ATXN8OS: variants seen among roughly 807,000 people sequenced by gnomAD.
ATXN8OS encodes ATXN8 opposite strand (non-protein coding).
intron 2 of ATXN8OS, among the ~76,000 whole-genome samples, chr13:70,126,614 T>C (rs1473543657): frequency 6.6e-6 from 1 of 151,628 alleles, no homozygotes; most frequent in Non-Finnish European, 1.5e-5. Context: ...ATATTATATA[T>C]ATATATATGA....
At chr13:70,112,048 C>T (rs1888204492) in intron 1 of ATXN8OS, among the ~76,000 whole-genome samples, 1 of 152,048 alleles carries the variant, frequency 6.6e-6, no homozygotes, top group Non-Finnish European at 1.5e-5. Flanking sequence ...GGGGAGGAGG[C>T]CTGAGGAAAC....
chr13:70,152,377 G>A, intron 4 of ATXN8OS, among the ~76,000 whole-genome samples: 1 of 151,226 alleles, frequency 6.6e-6, no homozygotes, highest in South Asian at 2.1e-4. Flanking sequence ...ACATATATAT[G>A]TATACATATA....
In ATXN8OS at chr13:70,155,413, T is replaced by C. The variant is rs1195379775; in HGVS notation, n.573+7985T>C. On this transcript the variant is annotated intron_variant and non_coding_transcript_variant, in intron 4 of 4. Transcript: ENST00000678624. ...AGAAACATACCCAATATATAGGACATAGAAACACACCATCCTTGTGCTGCT... is the reference window on the plus strand; with the variant it reads ...AGAAACATACCCAATATATAGGACACAGAAACACACCATCCTTGTGCTGCT... 2.0e-5 allele frequency among the ~76,000 whole-genome samples: 3 copies of C among 152,156 alleles called. No individual in the cohort carries two copies. The East Asian group carries it at 5.8e-4, about 29-fold the overall frequency.
intron 4 of ATXN8OS, among the ~76,000 whole-genome samples, chr13:70,157,306 CTCTT>C (rs1317478654): frequency 2.0e-5 from 3 of 152,044 alleles, no homozygotes; most frequent in Non-Finnish European, 4.4e-5. Context: ...ATAGGAGGAG[CTCTT>C]TCTGTTTAAA....
chr13:70,122,118 T>C (rs895065952), intron 2 of ATXN8OS, among the ~76,000 whole-genome samples: 8 of 152,120 alleles, frequency 5.3e-5, no homozygotes, highest in Admixed American at 5.2e-4. Flanking sequence ...ATGTTCATAA[T>C]CCACAATGCT....
chr13:70,162,980 G>A lies in ATXN8OS; in HGVS notation n.574-6773G>A, dbSNP rs73522638. On this transcript the variant is annotated intron_variant and non_coding_transcript_variant, in intron 4 of 4. Transcript: ENST00000678624. ...CATAGCAAGTTGATGTTGGCCACAG[G>A]CCTTCAAGACTCAGTGACACCACTG... Among the ~76,000 whole-genome samples the A allele has an allele frequency of 6.0e-3, 911 of 152,058 alleles. 12 individuals carry two copies. Among genetic ancestry groups the A allele is most frequent in the African/African-American group, 0.021 (851 of 41,498 alleles).
intron 4 of ATXN8OS, among the ~76,000 whole-genome samples, chr13:70,157,849 G>C (rs1252119614): frequency 6.6e-6 from 1 of 152,064 alleles, no homozygotes; most frequent in African/African-American, 2.4e-5. Flanking sequence ...CTACAGGAAA[G>C]ACAAAAAATA....
At chr13:70,155,570 A>T (rs1326740526) in intron 4 of ATXN8OS, among the ~76,000 whole-genome samples, 1 of 152,188 alleles carries the variant, frequency 6.6e-6, no homozygotes, top group Non-Finnish European at 1.5e-5. Flanking sequence ...TATTTGCTTT[A>T]AGAAAAGGGA....
chr13:70,156,098 A>G (rs932211692), intron 4 of ATXN8OS, among the ~76,000 whole-genome samples: 33 of 152,122 alleles, frequency 2.2e-4, no homozygotes, highest in Admixed American at 1.8e-3. Context: ...AAATTTTTTG[A>G]TATTTGCTCA....
intron 4 of ATXN8OS, among the ~76,000 whole-genome samples, chr13:70,166,046 A>C (rs1889072193): frequency 6.6e-6 from 1 of 152,096 alleles, no homozygotes; most frequent in Admixed American, 6.6e-5. Context: ...ATAAATAGAA[A>C]ATGAGTGAGA....
intron 4 of ATXN8OS, among the ~76,000 whole-genome samples, chr13:70,167,366 T>C (rs989777960): frequency 4.6e-5 from 7 of 152,020 alleles, no homozygotes; most frequent in African/African-American, 1.7e-4. Flanking sequence ...TGTAGGGACA[T>C]GGATGAAACT....
chr13:70,168,593 A>ATT (rs377197453), intron 4 of ATXN8OS, among the ~76,000 whole-genome samples: 2,360 of 138,452 alleles, frequency 0.017, 41 homozygotes, highest in African/African-American at 0.036. Flanking sequence ...CTGTGACATC[A>ATT]TTTTTTTTTT....
chr13:70,125,907 G>T (rs1888426843), intron 2 of ATXN8OS, among the ~76,000 whole-genome samples: 1 of 152,100 alleles, frequency 6.6e-6, no homozygotes, highest in Non-Finnish European at 1.5e-5. Flanking sequence ...ACCGGGGGTT[G>T]TGGGAGGAGG....
intron 1 of ATXN8OS, among the ~76,000 whole-genome samples, chr13:70,113,133 G>T (rs546790656): frequency 6.6e-6 from 1 of 151,742 alleles, no homozygotes; most frequent in East Asian, 1.9e-4. Context: ...TATTGGCCAG[G>T]TTGGTCTCAA....
intron 3 of ATXN8OS, among the ~76,000 whole-genome samples, chr13:70,137,547 C>G (rs1420147936): frequency 6.6e-6 from 1 of 152,064 alleles, no homozygotes; most frequent in Non-Finnish European, 1.5e-5. Flanking sequence ...CTGACATGAC[C>G]AGATTTTGTT....
At chr13:70,127,120 C>A (rs1198378377) in intron 2 of ATXN8OS, among the ~76,000 whole-genome samples, 1 of 151,730 alleles carries the variant, frequency 6.6e-6, no homozygotes, top group Non-Finnish European at 1.5e-5. Context: ...AGTTTAAAAT[C>A]AAAAACTGTA....
At chr13:70,121,060 T>C (rs1032244176) in intron 2 of ATXN8OS, among the ~76,000 whole-genome samples, 3 of 148,018 alleles carry the variant, frequency 2.0e-5, no homozygotes, top group Admixed American at 6.7e-5. Context: ...AACCTAAAAC[T>C]TAAAGTATAA....
chr13:70,134,083 A>G (rs1251781430), intron 3 of ATXN8OS, among the ~76,000 whole-genome samples: 2 of 152,180 alleles, frequency 1.3e-5, no homozygotes, highest in African/African-American at 2.4e-5. Context: ...AGGATAAAAA[A>G]TCAGCTAAAT....
At chr13:70,130,660 T>G in intron 3 of ATXN8OS, 1 of 398,422 alleles carries the variant, frequency 2.5e-6, no homozygotes. Context: ...CAAGTAAGCA[T>G]GCTGGTTTCC....
Sources: allele counts gnomAD v4.1 joint callset (sites outside exome capture counted in the v4.1 genomes callset), GRCh38; gene constraint gnomAD v4.1.1; transcripts MANE v1.5; gene names NCBI Gene and HGNC (gene_info 2026-07-23, HGNC 2026-07-21).